The following KCNQ1 variants were observed in gnomAD, a reference collection of about 807,000 sequenced individuals.
The protein encoded by KCNQ1 is potassium voltage-gated channel subfamily KQT member 1.
A neutral mutation model predicts 72.4 loss-of-function variants in KCNQ1; 49 were observed. The ratio of observed to expected loss-of-function variants is 0.68; its 90% confidence interval spans 0.54 to 0.86. The LOEUF is 0.86. Ranked by LOEUF, KCNQ1 falls within the 40% of genes least tolerant of loss-of-function variation. KCNQ1 has a pLI of 0.00. For synonymous variants in KCNQ1, 450 were observed against 412.6 expected, an observed-to-expected ratio of 1.09 and a Z score of -1.10; for missense variants, 790 against 945.1, an observed-to-expected ratio of 0.84 and a Z score of 2.15.
chr11:2,567,733 A>C lies in KCNQ1; in HGVS notation c.478-2895A>C, dbSNP rs1404566687. On this transcript the variant is annotated intron_variant, in intron 2 of 15. Transcript: ENST00000155840. The surrounding 1 kb of genome is among the most constrained non-coding windows in gnomAD (Gnocchi z 6.6). ...CCACATCCAGCTGGATTTGGGGATCAGTGTTGTTTTTAATCATTCCTACCA... is the reference window on the plus strand; with the variant it reads ...CCACATCCAGCTGGATTTGGGGATCCGTGTTGTTTTTAATCATTCCTACCA... Among the ~76,000 whole-genome samples, 1 of 152,170 alleles carries C rather than the reference A, an allele frequency of 6.6e-6. No individual in the cohort carries two copies. Among genetic ancestry groups the C allele is most frequent in the Admixed American group, 6.5e-5 (1 of 15,276 alleles).
rs534105084 is a variant in KCNQ1, at chr11:2,579,828, C to T, written c.922-3607C>T. On this transcript the variant is annotated intron_variant, in intron 6 of 15. Transcript: ENST00000155840. This position sits in a 1 kb window ranked among gnomAD's most constrained non-coding sequence, Gnocchi z 6.0. The stretch of plus-strand genomic sequence containing the variant: ...CAGCTCAGCCCCAGGAGGTGACACC[C>T]CCACCCTCAGCAGCTCTCGTCTGTT... 3.9e-5 allele frequency among the ~76,000 whole-genome samples: 6 copies of T among 152,068 alleles called. No individual in the cohort carries two copies. The South Asian group carries it at 1.2e-3, about 32-fold the overall frequency.
intron 15 of KCNQ1, among the ~76,000 whole-genome samples, chr11:2,811,780 A>G (rs911646150): frequency 1.3e-5 from 2 of 152,158 alleles, no homozygotes; most frequent in Non-Finnish European, 2.9e-5. Context: ...GGTGGCTGGG[A>G]TGGGTGGAGA....
Position 2,462,537 on chromosome 11 carries a change from C to T in KCNQ1, c.386+17053C>T, listed in dbSNP as rs888166657. ...GCTGTCATGATCCCACCATGTGCCCCCCGTGAGGCCCCCACCTGTTACTGA... is the reference window on the plus strand; with the variant it reads ...GCTGTCATGATCCCACCATGTGCCCTCCGTGAGGCCCCCACCTGTTACTGA... On this transcript the variant is annotated intron_variant, in intron 1 of 15. Coordinates refer to ENST00000155840, the MANE Select transcript of KCNQ1 (RefSeq NM_000218.3). The surrounding 1 kb of genome is among the most constrained non-coding windows in gnomAD (Gnocchi z 8.2). 1.3e-5 allele frequency among the ~76,000 whole-genome samples: 2 copies of T among 152,236 alleles called. No homozygotes were observed. The highest frequency in any genetic ancestry group is 4.8e-5 in the African/African-American group (2 of 41,460).
In KCNQ1 at chr11:2,825,513, G is replaced by A. The variant is rs761168902; in HGVS notation, c.1795-22254G>A. Among the ~76,000 whole-genome samples the A allele has an allele frequency of 1.1e-4, 17 of 152,344 alleles. 1 individual carries two copies. The highest frequency in any genetic ancestry group is 3.4e-3 in the Middle Eastern group (1 of 294). On this transcript the variant is annotated intron_variant, in intron 15 of 15. Transcript: ENST00000155840. ...TCCAGCCCTTGCTGCCAGGGGCCCCGCCCATGTGCCTGGAATCACACCCTG... is the reference window on the plus strand; with the variant it reads ...TCCAGCCCTTGCTGCCAGGGGCCCCACCCATGTGCCTGGAATCACACCCTG...
Position 2,547,608 on chromosome 11 carries a change from C to T in KCNQ1, c.477+19590C>T, listed in dbSNP as rs377299930. ...CCTTGGTCCCTGGTTTCTCATTTAA[C>T]CCTTTACTGTCTGGCTTACCGTTTT... On this transcript the variant is annotated intron_variant, in intron 2 of 15. Coordinates refer to ENST00000155840, the MANE Select transcript of KCNQ1 (RefSeq NM_000218.3). The surrounding 1 kb of genome is among the most constrained non-coding windows in gnomAD (Gnocchi z 4.2). Among the ~76,000 whole-genome samples the T allele has an allele frequency of 1.8e-3, 267 of 152,312 alleles. No individual in the cohort carries two copies. The highest frequency in any genetic ancestry group is 3.1e-3 in the Non-Finnish European group (209 of 68,042).
intron 2 of KCNQ1, among the ~76,000 whole-genome samples, chr11:2,533,271 C>G (rs532890011): frequency 1.2e-4 from 18 of 152,214 alleles, no homozygotes; most frequent in Non-Finnish European, 1.8e-4. Flanking sequence ...TCTGCTGAAC[C>G]AGGGATATGC....
intron 2 of KCNQ1, among the ~76,000 whole-genome samples, chr11:2,539,222 G>A (rs553430261): frequency 6.6e-6 from 1 of 152,320 alleles, no homozygotes; most frequent in East Asian, 1.9e-4. Flanking sequence ...AAGGAAAAGG[G>A]GATGGGGGCC....
chr11:2,625,839 G>A (rs1336763945), intron 10 of KCNQ1: 1 of 398,484 alleles, frequency 2.5e-6, no homozygotes, highest in East Asian at 3.6e-5. Context: ...AAAGTACTGG[G>A]ATTACAGGCG....
intron 1 of KCNQ1, chr11:2,521,399 T>C: frequency 7.1e-6 from 3 of 423,894 alleles, no homozygotes; most frequent in South Asian, 5.1e-5. Flanking sequence ...AAGGTGCCTC[T>C]CTGCTCATGT....
At chr11:2,487,768 T>A (rs567882790) in intron 1 of KCNQ1, among the ~76,000 whole-genome samples, 1 of 152,336 alleles carries the variant, frequency 6.6e-6, no homozygotes, top group East Asian at 1.9e-4. Context: ...TTTTGTGGAA[T>A]CTTTAGGGGT....
At position 2,826,708 on chromosome 11, in the gene KCNQ1, C is replaced by T. The variant is rs1847848752; in HGVS notation, c.1795-21059C>T. On this transcript the variant is annotated intron_variant, in intron 15 of 15. Transcript: ENST00000155840. The surrounding 1 kb of genome is among the most constrained non-coding windows in gnomAD (Gnocchi z 4.2). ...AGAGGGCCAGAGAGGCACGGGGCTC[C>T]CCTGGGCACCCCTCGTCTTGGGGCC... Among the ~76,000 whole-genome samples the T allele has an allele frequency of 6.6e-6, 1 of 152,212 alleles. No individual in the cohort carries two copies. Among genetic ancestry groups the T allele is most frequent in the South Asian group, 2.1e-4 (1 of 4,830 alleles).
chr11:2,585,066 G>A, intron 7 of KCNQ1, 146 bp from the exon 8 acceptor site: 1 of 741,012 alleles, frequency 1.3e-6, no homozygotes, highest in South Asian at 1.5e-5. Flanking sequence ...GGACAGGCAG[G>A]CTGGGCCCGA....
At position 2,566,020 on chromosome 11, in the gene KCNQ1, G is replaced by C. The variant is rs1848242240; in HGVS notation, c.478-4608G>C. Among the ~76,000 whole-genome samples the C allele has an allele frequency of 6.6e-6, 1 of 152,102 alleles. No individual in the cohort carries two copies. Among genetic ancestry groups the C allele is most frequent in the South Asian group, 2.1e-4 (1 of 4,822 alleles). On this transcript the variant is annotated intron_variant, in intron 2 of 15. Transcript: ENST00000155840. This position sits in a 1 kb window ranked among gnomAD's most constrained non-coding sequence, Gnocchi z 6.7. The stretch of plus-strand genomic sequence containing the variant: ...TGCCCACTAGATGACCACCAAGGCA[G>C]GGCGGCTGGTGGTGCTGACGGCTCT...
chr11:2,561,912 C>T (rs573126496), intron 2 of KCNQ1, among the ~76,000 whole-genome samples: 12 of 151,974 alleles, frequency 7.9e-5, no homozygotes, highest in Admixed American at 2.6e-4. Context: ...CTCAAGGTCA[C>T]GGGCTGCACG....
chr11:2,450,584 C>T lies in KCNQ1; in HGVS notation c.386+5100C>T, dbSNP rs181721951. On this transcript the variant is annotated intron_variant, in intron 1 of 15. Coordinates refer to ENST00000155840, the MANE Select transcript of KCNQ1 (RefSeq NM_000218.3). This position sits in a 1 kb window ranked among gnomAD's most constrained non-coding sequence, Gnocchi z 7.9. ...CACTCCAGCCCCGGATGCTCCTACA[C>T]CATGCTCTGCTTGCATCTGGGGTCC... Among the ~76,000 whole-genome samples, 566 of 152,168 alleles carry T rather than the reference C, an allele frequency of 3.7e-3. 4 individuals are homozygous for T. The highest frequency in any genetic ancestry group is 0.013 in the African/African-American group (530 of 41,506).
chr11:2,631,127 G>A, intron 10 of KCNQ1: 1 of 398,536 alleles, frequency 2.5e-6, no homozygotes, highest in Non-Finnish European at 4.4e-6. Context: ...AATCTGGGAA[G>A]AGCCCCAGAT....
chr11:2,507,501 A>G lies in KCNQ1; in HGVS notation c.387-20427A>G, dbSNP rs747440626. On this transcript the variant is annotated intron_variant, in intron 1 of 15. Transcript: ENST00000155840. The surrounding 1 kb of genome is among the most constrained non-coding windows in gnomAD (Gnocchi z 5.4). ...TGCAGGTAGATAAGGTGGCGGGTGC[A>G]GCGGGAGGAAGAGAAAAGGATGCTG... Among the ~76,000 whole-genome samples the G allele has an allele frequency of 2.6e-5, 4 of 152,184 alleles. No homozygotes were observed. The highest frequency in any genetic ancestry group is 5.9e-5 in the Non-Finnish European group (4 of 68,032).
chr11:2,630,631 T>G, intron 10 of KCNQ1: 1 of 398,384 alleles, frequency 2.5e-6, no homozygotes, highest in East Asian at 3.6e-5. Context: ...ACCATTACAC[T>G]ATTAGAGTAT....
Position 2,543,525 on chromosome 11 carries a change from C to T in KCNQ1, c.477+15507C>T, listed in dbSNP as rs923902709. Among the ~76,000 whole-genome samples the T allele has an allele frequency of 2.0e-5, 3 of 152,270 alleles. No homozygotes were observed. The highest frequency in any genetic ancestry group is 7.2e-5 in the African/African-American group (3 of 41,556). On this transcript the variant is annotated intron_variant, in intron 2 of 15. Transcript: ENST00000155840. This position sits in a 1 kb window ranked among gnomAD's most constrained non-coding sequence, Gnocchi z 5.6. ...CTGGCCTCAAGCGATCCCCTTGCCT[C>T]GGCCTCCCAAAGCGCTGGAATTACA...
Sources: allele counts gnomAD v4.1 joint callset (sites outside exome capture counted in the v4.1 genomes callset), GRCh38; gene constraint gnomAD v4.1.1; non-coding constraint Gnocchi (gnomAD v3.1); transcripts MANE v1.5; gene names NCBI Gene and HGNC (gene_info 2026-07-23, HGNC 2026-07-21).